SNX29: variants seen among roughly 807,000 people sequenced by gnomAD.
The protein encoded by SNX29 is sorting nexin-29.
SNX29 carries 78 observed loss-of-function variants against 102.1 expected under a neutral mutation model. That is an observed-to-expected ratio of 0.76 (90% CI 0.64 to 0.92). SNX29 has a LOEUF of 0.92. Among genes scored for constraint, SNX29 ranks in the 40% least tolerant of loss-of-function variants. The pLI is 0.00. For missense variants in SNX29, 1,280 were observed against 1,061.7 expected, an observed-to-expected ratio of 1.21 and a Z score of -2.86; for synonymous variants, 580 against 414.5, an observed-to-expected ratio of 1.40 and a Z score of -4.85.
intron 11 of SNX29, among the ~76,000 whole-genome samples, chr16:12,125,319 A>G (rs1267009417): frequency 6.6e-6 from 1 of 152,142 alleles, no homozygotes; most frequent in Admixed American, 6.6e-5. Context: ...GGAAGGCGGA[A>G]GGTCTGACAG....
chr16:12,250,960 C>T (rs530620531), intron 14 of SNX29, among the ~76,000 whole-genome samples: 6 of 152,344 alleles, frequency 3.9e-5, no homozygotes, highest in South Asian at 4.1e-4. Flanking sequence ...GGAAGGATGG[C>T]GAAATAGACA....
chr16:11,994,390 G>C (rs1459920965), intron 1 of SNX29, among the ~76,000 whole-genome samples: 1 of 152,230 alleles, frequency 6.6e-6, no homozygotes, highest in Non-Finnish European at 1.5e-5. Flanking sequence ...TGAGGAAGCA[G>C]GAACATGGGG....
At position 12,297,479 on chromosome 16, in the gene SNX29, A is replaced by T. The variant is rs982432541; in HGVS notation, c.1782+19443A>T. On this transcript the variant is annotated intron_variant, in intron 15 of 20. Transcript: ENST00000566228. Reference sequence around the variant, plus strand: ...GCTCTTTTCCTCGGTGTGTGTATTCACTTCTCTCCTCCTCCGCATCCCTGG... The same window carrying T: ...GCTCTTTTCCTCGGTGTGTGTATTCTCTTCTCTCCTCCTCCGCATCCCTGG... 1.1e-4 allele frequency among the ~76,000 whole-genome samples: 17 copies of T among 151,968 alleles called. No homozygotes were observed. The East Asian group carries it at 2.1e-3, about 19-fold the overall frequency.
chr16:12,126,283 A>T (rs971433114), intron 11 of SNX29, among the ~76,000 whole-genome samples: 1 of 152,210 alleles, frequency 6.6e-6, no homozygotes, highest in African/African-American at 2.4e-5. Context: ...ACCATTCCTA[A>T]GCATCTCACT....
At chr16:12,255,001 T>C (rs2078527473) in intron 14 of SNX29, among the ~76,000 whole-genome samples, 1 of 152,208 alleles carries the variant, frequency 6.6e-6, no homozygotes, top group Admixed American at 6.5e-5. Flanking sequence ...AGGAATTGTT[T>C]CTTCCCATCA....
At chr16:12,281,392 T>C (rs191339962) in intron 15 of SNX29, among the ~76,000 whole-genome samples, 3 of 152,332 alleles carry the variant, frequency 2.0e-5, no homozygotes, top group Non-Finnish European at 4.4e-5. Context: ...TCCAGTGTCC[T>C]GGACAGCACA....
At chr16:12,013,528 T>C (rs1188887681) in intron 3 of SNX29, among the ~76,000 whole-genome samples, 1 of 116,010 alleles carries the variant, frequency 8.6e-6, no homozygotes, top group African/African-American at 3.2e-5. Context: ...TATATATATA[T>C]ATATATATAT....
chr16:12,392,073 C>G (rs936115786), intron 16 of SNX29, among the ~76,000 whole-genome samples: 3 of 152,208 alleles, frequency 2.0e-5, no homozygotes, highest in Non-Finnish European at 4.4e-5. Flanking sequence ...CATATAGACA[C>G]GTGTGTCTCC....
intron 15 of SNX29, among the ~76,000 whole-genome samples, chr16:12,337,332 G>C (rs745720858): frequency 6.6e-6 from 1 of 151,926 alleles, no homozygotes; most frequent in Non-Finnish European, 1.5e-5. Context: ...TATGCAATGC[G>C]ATGGGTGTTT....
At chr16:12,431,434 C>CTTCTTT (rs779738786) in intron 18 of SNX29, among the ~76,000 whole-genome samples, 5 of 136,952 alleles carry the variant, frequency 3.7e-5, no homozygotes, top group African/African-American at 1.1e-4. Context: ...TCTTCTTCTT[C>CTTCTTT]TTTTTTTTTT....
intron 20 of SNX29, among the ~76,000 whole-genome samples, chr16:12,541,783 C>T (rs769774113): frequency 6.6e-6 from 1 of 152,144 alleles, no homozygotes; most frequent in Non-Finnish European, 1.5e-5. Context: ...TTCCAACCCC[C>T]TGGAATGGAA....
At chr16:12,052,626 C>T (rs778945102) in intron 8 of SNX29, 33 of 220,686 alleles carry the variant, frequency 1.5e-4, no homozygotes, top group Admixed American at 4.2e-4. Context: ...ATTCATTCTT[C>T]AGGTGTTGAT....
Position 12,468,557 on chromosome 16 carries a change from C to T in SNX29, c.2038-9162C>T, listed in dbSNP as rs565336224. 5.2e-4 allele frequency among the ~76,000 whole-genome samples: 79 copies of T among 152,320 alleles called. 4 individuals carry two copies. In the South Asian group the frequency reaches 0.016, roughly 32 times the overall value. On this transcript the variant is annotated intron_variant, in intron 18 of 20. Coordinates refer to ENST00000566228, the MANE Select transcript of SNX29 (RefSeq NM_032167.5). ...GGTGCCCCTGGCAGAACCAGGCCCC[C>T]TCCCGCAGCCCTCATCTCCCTTTGA...
chr16:12,181,310 T>C (rs996775405), intron 13 of SNX29, among the ~76,000 whole-genome samples: 2 of 152,342 alleles, frequency 1.3e-5, no homozygotes, highest in African/African-American at 4.8e-5. Flanking sequence ...GGTTGGGTTT[T>C]ATACGTTCTA....
At chr16:12,444,181 A>G (rs1484681574) in intron 18 of SNX29, among the ~76,000 whole-genome samples, 1 of 152,150 alleles carries the variant, frequency 6.6e-6, no homozygotes, top group Non-Finnish European at 1.5e-5. Context: ...ATAAGCACTC[A>G]ATATAGCACC....
intron 13 of SNX29, among the ~76,000 whole-genome samples, chr16:12,197,185 T>C (rs1185206503): frequency 6.6e-6 from 1 of 152,234 alleles, no homozygotes; most frequent in Non-Finnish European, 1.5e-5. Context: ...TTTCTTTCCC[T>C]GATTTTAAGA....
At chr16:12,282,464 A>G (rs1031942689) in intron 15 of SNX29, among the ~76,000 whole-genome samples, 18 of 152,284 alleles carry the variant, frequency 1.2e-4, no homozygotes, top group African/African-American at 3.6e-4. Context: ...GGCAGTGCGG[A>G]CATTGTCTTT....
At chr16:12,275,056 C>T (rs938921916) in intron 14 of SNX29, among the ~76,000 whole-genome samples, 1 of 152,124 alleles carries the variant, frequency 6.6e-6, no homozygotes, top group South Asian at 2.1e-4. Context: ...ATCTTAGGTG[C>T]TTTTCTCAAA....
chr16:12,571,721 T>TA lies in SNX29; in HGVS notation c.*3095dup. 1 of 1,051,134 alleles carries TA rather than the reference T, an allele frequency of 9.5e-7. No homozygotes were observed. The highest frequency in any genetic ancestry group is 1.2e-6 in the Non-Finnish European group (1 of 867,652). The allele number at this position is 1,051,134 out of a possible 1,614,324, so 65.1% of individuals were successfully genotyped here. A position where few individuals can be genotyped will look rare whatever the true frequency, so the allele number is the denominator to read the frequency against. On this transcript the variant is annotated 3_prime_UTR_variant, in exon 21 of 21. Transcript: ENST00000566228. ...ACAAAAGCTTCTAAGGGAGGGAGCT[T>TA]AAAGGCTGCTAGAAACCTAGCCCAA... is the stretch of plus-strand genomic sequence containing the variant.
Sources: allele counts gnomAD v4.1 joint callset (sites outside exome capture counted in the v4.1 genomes callset), GRCh38; gene constraint gnomAD v4.1.1; transcripts MANE v1.5; gene names NCBI Gene and HGNC (gene_info 2026-07-23, HGNC 2026-07-21).